The following AKT1 variants were observed in gnomAD, a reference collection of about 807,000 sequenced individuals.
AKT1 encodes RAC-alpha serine/threonine-protein kinase.
AKT1 carries 21 observed loss-of-function variants against 63.1 expected under a neutral mutation model. The ratio of observed to expected loss-of-function variants is 0.33; its 90% CI spans 0.24 to 0.48. AKT1 has a LOEUF of 0.48. Among genes scored for constraint, AKT1 ranks in the 20% least tolerant of loss-of-function variants. The pLI is 0.99. For missense variants in AKT1, 382 were observed against 666.0 expected (o/e 0.57, Z 4.69); for synonymous variants, 257 against 253.1 (o/e 1.02, Z -0.15).
In AKT1 at chr14:104,791,816, G is replaced by A. The variant is rs61758462; in HGVS notation, c.46+782C>T. The stretch of plus-strand genomic sequence containing the variant: ...CTGGAAAAAGAAGTCAGGAGAGGGC[G>A]GACCGATTCCGCCTGGGGCAGAAGA... On this transcript the variant is annotated intron_variant, in intron 3 of 14. Transcript: ENST00000649815. 2.6e-3 allele frequency among the ~76,000 whole-genome samples: 389 copies of A among 152,356 alleles called. 1 individual carries two copies. The highest frequency in any genetic ancestry group is 8.3e-3 in the African/African-American group (345 of 41,578).
rs1218759340 is a variant in AKT1 at position 104,770,429 on chromosome 14, G to A, written c.1364-9C>T. On this transcript the variant is annotated splice_polypyrimidine_tract_variant and intron_variant, in intron 14 of 14. Transcript: ENST00000649815. ...ACACTCCATGCTGTCATCTGTGGGT[G>A]TAGACAGCTCAGACCCCGGTGCCCC... The A allele has an allele frequency of 1.9e-6, 3 of 1,594,002 alleles. No homozygotes were observed. The highest frequency in any genetic ancestry group is 1.7e-5 in the Admixed American group (1 of 57,598).
intron 3 of AKT1, among the ~76,000 whole-genome samples, chr14:104,786,035 A>G (rs1288322040): frequency 1.3e-5 from 2 of 151,476 alleles, no homozygotes; most frequent in Admixed American, 6.6e-5. Context: ...AAGGCACCCC[A>G]CCTGCCACAC....
intron 4 of AKT1, chr14:104,777,335 A>G (rs1010846169): frequency 2.7e-5 from 6 of 224,658 alleles, no homozygotes; most frequent in Non-Finnish European, 5.2e-5. Context: ...CCTGGGGCAC[A>G]CATACATCTG....
At chr14:104,775,035 C>T (rs374053460) in intron 7 of AKT1, 32 bp from the exon 8 acceptor site, 23 of 1,612,898 alleles carry the variant, frequency 1.4e-5, no homozygotes, top group African/African-American at 4.0e-5. Flanking sequence ...GCTGCCACCC[C>T]GCACCCTCAT....
chr14:104,773,548 G>A lies in AKT1; in HGVS notation c.735C>T (p.Phe245=), dbSNP rs2140907248. The A allele has an allele frequency of 6.2e-7, 1 of 1,610,906 alleles. No individual in the cohort carries two copies. The highest frequency in any genetic ancestry group is 1.1e-5 in the South Asian group (1 of 90,482). The change falls in exon 10 of 15, where the codon TTC becomes TTT. Residue 245 remains phenylalanine (F), a synonymous_variant. Transcript: ENST00000649815. ...CATAGAAGCGGGCCCGGTCCTCGGA[G>A]AACACACGCTCCCGGGACAGGTGGA... ...LFFHLSRERV[F]SEDRARFYGA...
chr14:104,785,529 CT>C (rs1272816649), intron 3 of AKT1, among the ~76,000 whole-genome samples: 1 of 152,166 alleles, frequency 6.6e-6, no homozygotes, highest in African/African-American at 2.4e-5. Flanking sequence ...CTGCCTGGGC[CT>C]CGCCCAGCCC....
chr14:104,789,899 T>G (rs1893538357), intron 3 of AKT1, among the ~76,000 whole-genome samples: 1 of 152,200 alleles, frequency 6.6e-6, no homozygotes, highest in African/African-American at 2.4e-5. Flanking sequence ...GGAACTCCTG[T>G]GTCCCCATGC....
rs61759771 is a variant in AKT1 at position 104,788,852 on chromosome 14, T to C, written c.46+3746A>G. Among the ~76,000 whole-genome samples the C allele has an allele frequency of 1.4e-3, 212 of 152,260 alleles. 1 individual carries two copies. Among genetic ancestry groups the C allele is most frequent in the African/African-American group, 4.8e-3 (201 of 41,550 alleles). ...CCTGAGGCCTGGACTGGGGGGTCTA[T>C]GCCAGGCATGGGCCCGGGGTAGGGC... On this transcript the variant is annotated intron_variant, in intron 3 of 14. Coordinates refer to ENST00000649815, the MANE Select transcript of AKT1 (RefSeq NM_001382430.1).
chr14:104,785,436 C>T (rs1457891169), intron 3 of AKT1, among the ~76,000 whole-genome samples: 2 of 152,236 alleles, frequency 1.3e-5, no homozygotes, highest in Non-Finnish European at 2.9e-5. Context: ...CCTCCCGGCA[C>T]AAGCCCTTCT....
intron 4 of AKT1, chr14:104,777,814 GC>G: frequency 1.4e-6 from 1 of 739,746 alleles, no homozygotes; most frequent in South Asian, 6.1e-5. Flanking sequence ...AGGCCTGGGG[GC>G]CAGGAGGGGG....
rs1370498903 is a variant in AKT1 at position 104,795,739 on chromosome 14, T to TGCC, written c.-516_-514dup. ...GCCAGCCGCCTGCCGCGCTCGGTCC[T>TGCC]GCCGCCGCCGCCGGCCCGCCCTCTC... On this transcript the variant is annotated 5_prime_UTR_variant, in exon 1 of 15. Transcript: ENST00000649815. This position sits in a 1 kb window ranked among gnomAD's most constrained non-coding sequence, Gnocchi z 5.1. 42 of 146,344 alleles carry TGCC rather than the reference T, an allele frequency of 2.9e-4. No individual in the cohort carries two copies. Among genetic ancestry groups the TGCC allele is most frequent in the South Asian group, 9.0e-4 (5 of 5,550 alleles). 9.1% of individuals were successfully genotyped at this position (146,344 alleles called of 1,614,324 possible).
chr14:104,774,887 G>A, intron 8 of AKT1, 51 bp downstream of exon 8: 2 of 1,573,018 alleles, frequency 1.3e-6, no homozygotes, highest in Non-Finnish European at 1.7e-6. Flanking sequence ...GACAGCCCCA[G>A]GAGTCGCTAC....
chr14:104,775,263 G>A (rs998132278), intron 6 of AKT1, 56 bp from the exon 7 acceptor site: 80 of 1,604,686 alleles, frequency 5.0e-5, no homozygotes, highest in Middle Eastern at 3.3e-4. Flanking sequence ...CCAGCTGGTC[G>A]GCATGCGTGG....
At chr14:104,792,491 A>G (rs1290352087) in intron 3 of AKT1, 107 bp downstream of exon 3, 4 of 1,319,618 alleles carry the variant, frequency 3.0e-6, no homozygotes, top group Non-Finnish European at 4.3e-6. Context: ...CAGGAGCCCC[A>G]GGGGAGGCAG....
At chr14:104,780,713 G>GGCCC (rs1892984385) in intron 3 of AKT1, among the ~76,000 whole-genome samples, 8 of 150,828 alleles carry the variant, frequency 5.3e-5, no homozygotes, top group South Asian at 2.1e-4. Flanking sequence ...CAGCATGGCC[G>GGCCC]CCCCCCCCGC....
At chr14:104,789,408 C>G (rs1344099101) in intron 3 of AKT1, among the ~76,000 whole-genome samples, 3 of 152,202 alleles carry the variant, frequency 2.0e-5, no homozygotes, top group African/African-American at 7.2e-5. Flanking sequence ...GTGCACGGCC[C>G]CAGGAGTACT....
At chr14:104,790,202 C>T (rs946748920) in intron 3 of AKT1, among the ~76,000 whole-genome samples, 22 of 152,202 alleles carry the variant, frequency 1.4e-4, no homozygotes, top group African/African-American at 5.3e-4. Context: ...AGGCCACGGT[C>T]GTGGGGAGTC....
At position 104,792,738 on chromosome 14, in the gene AKT1, G is replaced by C; in HGVS notation, c.-79-16C>G. On this transcript the variant is annotated splice_polypyrimidine_tract_variant and intron_variant, in intron 2 of 14. Transcript: ENST00000649815. ...GCCACAGCCTCTGGGAGAAGCAAAG[G>C]AAGCTGAATGTGAGGCCACGCCTGG... 3 of 1,493,282 alleles carry C rather than the reference G, an allele frequency of 2.0e-6. No homozygotes were observed. The East Asian group carries it at 6.8e-5, about 34-fold the overall frequency. 92.5% of individuals were successfully genotyped at this position (1,493,282 alleles called of 1,614,324 possible). A position where few individuals can be genotyped will look rare whatever the true frequency, so the allele number is the denominator to read the frequency against.
chr14:104,789,367 C>T (rs1372720791), intron 3 of AKT1, among the ~76,000 whole-genome samples: 1 of 152,244 alleles, frequency 6.6e-6, no homozygotes, highest in Non-Finnish European at 1.5e-5. Context: ...ACCAGGGCAG[C>T]TCTCCACGGG....
Sources: allele counts gnomAD v4.1 joint callset (sites outside exome capture counted in the v4.1 genomes callset), GRCh38; gene constraint gnomAD v4.1.1; non-coding constraint Gnocchi (gnomAD v3.1); transcripts MANE v1.5; gene names NCBI Gene and HGNC (gene_info 2026-07-23, HGNC 2026-07-21).